The following MARCHF10 variants were observed in gnomAD, a reference collection of about 807,000 sequenced individuals.
MARCHF10 encodes probable E3 ubiquitin-protein ligase MARCHF10.
Under a neutral mutation model 76.2 loss-of-function variants are expected in MARCHF10, and 64 were observed. That is an observed-to-expected ratio of 0.84 (90% CI 0.69 to 1.03). The LOEUF (loss-of-function observed/expected upper bound fraction) is 1.03. Ranked by LOEUF, MARCHF10 falls within the 50% of genes least tolerant of loss-of-function variation. The pLI, the probability that MARCHF10 is intolerant of heterozygous loss-of-function variation, is 0.00. For missense variants in MARCHF10, 875 were observed against 958.0 expected (o/e 0.91, Z 1.14); for synonymous variants, 340 against 357.5 (o/e 0.95, Z 0.55).
intron 10 of MARCHF10, among the ~76,000 whole-genome samples, chr17:62,703,935 C>T (rs1240975352): frequency 6.6e-6 from 1 of 152,188 alleles, no homozygotes; most frequent in Non-Finnish European, 1.5e-5. Flanking sequence ...CGCGGCTCGC[C>T]CTGGGCACTA....
At chr17:62,802,115 TA>T (rs2093084364) in intron 1 of MARCHF10, among the ~76,000 whole-genome samples, 1 of 152,212 alleles carries the variant, frequency 6.6e-6, no homozygotes, top group African/African-American at 2.4e-5. Context: ...CCTGGTTACT[TA>T]AATTCATTTA....
chr17:62,740,662 T>G (rs2091472562), intron 5 of MARCHF10, among the ~76,000 whole-genome samples: 1 of 152,112 alleles, frequency 6.6e-6, no homozygotes, highest in African/African-American at 2.4e-5. Flanking sequence ...TTCTTACTTT[T>G]TTTTTTTAAT....
intron 1 of MARCHF10, chr17:62,806,411 AT>A (rs1462859554): frequency 1.3e-5 from 2 of 152,240 alleles, no homozygotes; most frequent in Non-Finnish European, 2.9e-5. Flanking sequence ...AGCACTCTGT[AT>A]TCTCTTCTAT....
In MARCHF10 at chr17:62,771,574, A is replaced by T. The variant is rs376755109; in HGVS notation, c.211-11568T>A. ...GACTGAGCTCTGCTTGTCAATATCT[A>T]TTTTTTTTTTTTTTTTTTCTGAGAC... On this transcript the variant is annotated intron_variant, in intron 3 of 10. Coordinates refer to ENST00000311269, the MANE Select transcript of MARCHF10 (RefSeq NM_152598.4). 3.6e-3 allele frequency among the ~76,000 whole-genome samples: 458 copies of T among 126,232 alleles called. 2 individuals are homozygous for T. The highest frequency in any genetic ancestry group is 4.5e-3 in the Middle Eastern group (1 of 222). The allele number at this position is 126,232 out of a possible 152,430, so 82.8% of individuals were successfully genotyped here. A position where few individuals can be genotyped will look rare whatever the true frequency, so the allele number is the denominator to read the frequency against.
rs118035567 is a variant in MARCHF10, at chr17:62,704,573, G to A, written c.2371+966C>T. On this transcript the variant is annotated intron_variant, in intron 10 of 10. Transcript: ENST00000311269. ...CCCGAGCAGCTTTGAGCTGGTTCGC[G>A]CCTTCCAGGCAGGACTACTGGGAGT... 2.2e-3 allele frequency among the ~76,000 whole-genome samples: 332 copies of A among 152,374 alleles called. 4 individuals carry two copies. In the East Asian group the frequency reaches 0.047, roughly 22 times the overall value.
intron 3 of MARCHF10, among the ~76,000 whole-genome samples, chr17:62,771,196 C>CT (rs1284275567): frequency 6.6e-6 from 1 of 151,808 alleles, no homozygotes; most frequent in Non-Finnish European, 1.5e-5. Context: ...GAGTCACAGA[C>CT]TTTTTTTAAA....
intron 2 of MARCHF10, among the ~76,000 whole-genome samples, chr17:62,789,875 A>G (rs1698283228): frequency 6.6e-6 from 1 of 152,162 alleles, no homozygotes. Flanking sequence ...CAGAGGTTGC[A>G]GTGAGCCAAG....
chr17:62,788,718 C>T lies in MARCHF10; in HGVS notation c.91-119G>A, dbSNP rs1198574944. ...ATGATATGCATCTCCAGGTGTTCATCAAATACCTCTCACCAAGTATAAAGA... is the reference window on the plus strand; with the variant it reads ...ATGATATGCATCTCCAGGTGTTCATTAAATACCTCTCACCAAGTATAAAGA... On this transcript the variant is annotated intron_variant, in intron 2 of 10. Transcript: ENST00000311269. 5 of 1,322,834 alleles carry T rather than the reference C, an allele frequency of 3.8e-6. No homozygotes were observed. The African/African-American group carries it at 7.3e-5, about 19-fold the overall frequency. The allele number at this position is 1,322,834 out of a possible 1,614,324, so 81.9% of individuals were successfully genotyped here. A position where few individuals can be genotyped will look rare whatever the true frequency, so the allele number is the denominator to read the frequency against.
At position 62,704,961 on chromosome 17, in the gene MARCHF10, T is replaced by TTTA. The variant is rs577248396; in HGVS notation, c.2371+577_2371+578insTAA. ...TTCTCCAGTCGTTTTTTTTTTTTTTTAATGGAAAAAGGAACAGGGAGAAGG... is the reference window on the plus strand; with the variant it reads ...TTCTCCAGTCGTTTTTTTTTTTTTTTTTAAATGGAAAAAGGAACAGGGAGAAGG... On this transcript the variant is annotated intron_variant, in intron 10 of 10. Transcript: ENST00000311269. 9.1e-4 allele frequency: 843 copies of TTTA among 924,448 alleles called. 10 individuals are homozygous for TTTA. The highest frequency in any genetic ancestry group is 1.1e-3 in the Middle Eastern group (2 of 1,878). 57.3% of individuals were successfully genotyped at this position (924,448 alleles called of 1,614,324 possible). A position where few individuals can be genotyped will look rare whatever the true frequency, so the allele number is the denominator to read the frequency against.
At position 62,711,348 on chromosome 17, in the gene MARCHF10, C is replaced by T; in HGVS notation, c.2215-4G>A. ...AATTCATCAGCTCGTTTTGTGCCTACAAATGGAAAAGAAAGCTCTTCAGTT... is the reference window on the plus strand; with the variant it reads ...AATTCATCAGCTCGTTTTGTGCCTATAAATGGAAAAGAAAGCTCTTCAGTT... On this transcript the variant is annotated splice_polypyrimidine_tract_variant and splice_region_variant and intron_variant, in intron 8 of 10. Coordinates refer to ENST00000311269, the MANE Select transcript of MARCHF10 (RefSeq NM_152598.4). This position sits in a 1 kb window ranked among gnomAD's most constrained non-coding sequence, Gnocchi z 4.4. 2 of 1,613,622 alleles carry T rather than the reference C, an allele frequency of 1.2e-6. No individual in the cohort carries two copies. Among genetic ancestry groups the T allele is most frequent in the Non-Finnish European group, 1.7e-6 (2 of 1,179,602 alleles).
intron 4 of MARCHF10, among the ~76,000 whole-genome samples, chr17:62,750,749 C>T (rs1005117651): frequency 6.6e-6 from 1 of 152,192 alleles, no homozygotes; most frequent in African/African-American, 2.4e-5. Context: ...CCTGTTCCAG[C>T]CAACAGTCTC....
intron 2 of MARCHF10, 115 bp from the exon 3 acceptor site, chr17:62,788,714 T>C: frequency 7.3e-7 from 1 of 1,361,084 alleles, no homozygotes; most frequent in East Asian, 2.3e-5. Context: ...CTCCAGGTGT[T>C]CATCAAATAC....
intron 6 of MARCHF10, among the ~76,000 whole-genome samples, chr17:62,734,105 A>T (rs1332140616): frequency 6.6e-6 from 1 of 151,894 alleles, no homozygotes; most frequent in Non-Finnish European, 1.5e-5. Context: ...AATTGCTTGA[A>T]CCCTAGAGGT....
chr17:62,762,336 G>A (rs2092228021), intron 3 of MARCHF10, among the ~76,000 whole-genome samples: 1 of 152,138 alleles, frequency 6.6e-6, no homozygotes, highest in Admixed American at 6.5e-5. Context: ...CTTATTTCTA[G>A]GTAGTAATCA....
chr17:62,705,837 C>G (rs528897472), intron 9 of MARCHF10, among the ~76,000 whole-genome samples: 2 of 152,164 alleles, frequency 1.3e-5, no homozygotes, highest in African/African-American at 2.4e-5. Context: ...CGAGAACAGA[C>G]TCGCTTCCTT....
At chr17:62,783,604 A>T (rs1031844275) in intron 3 of MARCHF10, among the ~76,000 whole-genome samples, 2 of 152,134 alleles carry the variant, frequency 1.3e-5, no homozygotes, top group East Asian at 3.8e-4. Flanking sequence ...TTTTGAAAAG[A>T]TCAACAAAAT....
In MARCHF10 at chr17:62,806,262, A is replaced by G. The variant is rs577939179; in HGVS notation, c.-18+1815T>C. ...TATGGAAATAAAACTACATGAGATAATGCTTAATTCATGGATCTCAGCTTT... is the reference window on the plus strand; with the variant it reads ...TATGGAAATAAAACTACATGAGATAGTGCTTAATTCATGGATCTCAGCTTT... On this transcript the variant is annotated intron_variant, in intron 1 of 10. Transcript: ENST00000311269. 2.6e-5 allele frequency among the ~76,000 whole-genome samples: 4 copies of G among 152,346 alleles called. No individual in the cohort carries two copies. In the South Asian group the frequency reaches 8.3e-4, roughly 32 times the overall value.
chr17:62,756,136 T>G (rs1452516214), intron 4 of MARCHF10, among the ~76,000 whole-genome samples: 1 of 152,098 alleles, frequency 6.6e-6, no homozygotes, highest in Non-Finnish European at 1.5e-5. Context: ...TAATCCCAGC[T>G]ACTCGGGAGG....
At chr17:62,707,736 G>A (rs916858220) in intron 9 of MARCHF10, 2 of 152,242 alleles carry the variant, frequency 1.3e-5, no homozygotes, top group African/African-American at 4.8e-5. Flanking sequence ...GATACTCTTG[G>A]TTACATGTGT....
Sources: gnomAD v4.1 joint callset for allele counts (sites outside exome capture counted in the v4.1 genomes callset) on GRCh38, gnomAD v4.1.1 for gene constraint, Gnocchi (gnomAD v3.1) non-coding constraint, MANE v1.5 for transcripts, NCBI Gene and HGNC (gene_info 2026-07-23, HGNC 2026-07-21) for gene names.